CMYA5: variants seen among roughly 807,000 people sequenced by gnomAD.
CMYA5 encodes cardiomyopathy associated 5, also known as cardiomyopathy-associated protein 5.
CMYA5 carries 246 observed loss-of-function variants against 318.9 expected under a neutral mutation model. The observed-to-expected ratio is 0.77, with a 90% confidence interval of 0.70 to 0.86. The LOEUF is 0.86. CMYA5 is among the 40% of genes least tolerant of loss of function. The pLI, the probability that CMYA5 is intolerant of heterozygous loss-of-function variation, is 0.00. For missense variants in CMYA5, 4,589 were observed against 4,678.2 expected (o/e 0.98, Z 0.56); for synonymous variants, 1,641 against 1,729.5 (o/e 0.95, Z 1.27).
intron 1 of CMYA5, among the ~76,000 whole-genome samples, chr5:79,719,058 A>T (rs1334792253): frequency 7.5e-6 from 1 of 133,694 alleles, no homozygotes; most frequent in Admixed American, 7.2e-5. Context: ...CTTAACCTTC[A>T]GATAAAAATA....
At chr5:79,791,128 T>G in intron 11 of CMYA5, 59 bp downstream of exon 11, 8 of 1,238,174 alleles carry the variant, frequency 6.5e-6, no homozygotes, top group Non-Finnish European at 1.2e-6. Flanking sequence ...TCTTAGGGTG[T>G]GTCGCCTCAG....
chr5:79,733,233 A>G lies in CMYA5; in HGVS notation c.4468A>G (p.Arg1490Gly), dbSNP rs1466513471. 1 of 1,613,700 alleles carries G rather than the reference A, an allele frequency of 6.2e-7. No individual in the cohort carries two copies. The highest frequency in any genetic ancestry group is 8.5e-7 in the Non-Finnish European group (1 of 1,179,816). ...GCATTCAGATAAATCTGAGGAAGCA[A>G]GGGTAGAAGACAAACAAGATCTTTT... is the stretch of plus-strand genomic sequence containing the variant. ...SQHSDKSEEA[R>G]VEDKQDLLFS... Residue 1490 changes from arginine to glycine, a missense_variant, in exon 2 of 13, where the codon AGG becomes GGG. Transcript: ENST00000446378.
Position 79,763,218 on chromosome 5 carries a change from C to A in CMYA5, c.11555+9C>A, listed in dbSNP as rs766116527. 1.9e-6 allele frequency: 3 copies of A among 1,589,942 alleles called. No homozygotes were observed. In the South Asian group the frequency reaches 3.4e-5, roughly 18 times the overall value. On this transcript the variant is annotated intron_variant, in intron 9 of 12. Transcript: ENST00000446378. ...GAGGGAGAGGGCCTCAGGTGAGGGG[C>A]CCTCTCCATGGGAGAGACTGCCCAG...
chr5:79,787,205 C>G (rs1231127686), intron 9 of CMYA5, among the ~76,000 whole-genome samples: 2 of 152,112 alleles, frequency 1.3e-5, no homozygotes, highest in Non-Finnish European at 2.9e-5. Context: ...ATCCTTGTCA[C>G]TTTTCCCCTT....
intron 1 of CMYA5, among the ~76,000 whole-genome samples, chr5:79,698,523 G>A (rs1363237832): frequency 6.6e-6 from 1 of 152,134 alleles, no homozygotes; most frequent in Non-Finnish European, 1.5e-5. Flanking sequence ...AAGCCAGCAG[G>A]CTAATGAGCT....
intron 5 of CMYA5, among the ~76,000 whole-genome samples, chr5:79,751,152 A>C (rs1399215090): frequency 1.3e-5 from 2 of 152,008 alleles, no homozygotes; most frequent in Admixed American, 6.6e-5. Context: ...CAGTCATCTA[A>C]ATTTCCCTTT....
At chr5:79,721,426 CA>C (rs1299240152) in intron 1 of CMYA5, among the ~76,000 whole-genome samples, 14 of 152,018 alleles carry the variant, frequency 9.2e-5, no homozygotes, top group African/African-American at 2.7e-4. Context: ...AATTTAACTC[CA>C]AACATATTGG....
chr5:79,714,314 T>G (rs1827470288), intron 1 of CMYA5, among the ~76,000 whole-genome samples: 2 of 152,124 alleles, frequency 1.3e-5, no homozygotes, highest in Non-Finnish European at 2.9e-5. Flanking sequence ...TCTGTCATAC[T>G]CTGTGATTAT....
rs186078315 is a variant in CMYA5 at position 79,706,126 on chromosome 5, G to A, written c.149+16070G>A. Among the ~76,000 whole-genome samples, 50 of 152,238 alleles carry A rather than the reference G, an allele frequency of 3.3e-4. No individual in the cohort carries two copies. In the East Asian group the frequency reaches 8.5e-3, roughly 26 times the overall value. On this transcript the variant is annotated intron_variant, in intron 1 of 12. Coordinates refer to ENST00000446378, the MANE Select transcript of CMYA5 (RefSeq NM_153610.5). ...GAAAGCTGGGTCCAGGGGAGTCACC[G>A]CCTTCTGGTCCTGCGATGCTGCCAA...
In CMYA5 at chr5:79,731,681, C is replaced by T. The variant is rs368673611; in HGVS notation, c.2916C>T (p.Cys972=). The T allele has an allele frequency of 1.6e-5, 26 of 1,613,708 alleles. No homozygotes were observed. The highest frequency in any genetic ancestry group is 1.6e-4 in the East Asian group (7 of 44,888). ...AAGCAGAGAAAAGAGAATTTGAGTG[C>T]GATTCTCCAATATGTTTAACATCAC... ...TQEAEKREFE[C]DSPICLTSPS... The change falls in exon 2 of 13, where the codon TGC becomes TGT. Residue 972 remains cysteine, a synonymous_variant. Transcript: ENST00000446378.
chr5:79,762,191 G>A (rs2151095085), intron 8 of CMYA5: 1 of 444,500 alleles, frequency 2.2e-6, no homozygotes, highest in Non-Finnish European at 3.9e-6. Flanking sequence ...GCCATATCCA[G>A]ATATACACAG....
Position 79,730,800 on chromosome 5 carries a change from C to T in CMYA5, c.2035C>T (p.Leu679=). Residue 679 remains leucine, a synonymous_variant, in exon 2 of 13, where the codon CTA becomes TTA. Coordinates refer to ENST00000446378, the MANE Select transcript of CMYA5 (RefSeq NM_153610.5). The part of the protein sequence containing the change: ...FSTVTPEYMV[L]SGDEASESGC... Reference sequence around the variant, plus strand: ...AACAGTTACACCAGAATACATGGTCCTATCAGGAGACGAGGCCTCAGAAAG... The same window carrying T: ...AACAGTTACACCAGAATACATGGTCTTATCAGGAGACGAGGCCTCAGAAAG... 6.2e-7 allele frequency: 1 copy of T among 1,613,864 alleles called. No homozygotes were observed. Among genetic ancestry groups the T allele is most frequent in the African/African-American group, 1.3e-5 (1 of 75,042 alleles).
chr5:79,772,750 A>G (rs1205726039), intron 9 of CMYA5, among the ~76,000 whole-genome samples: 3 of 152,208 alleles, frequency 2.0e-5, no homozygotes, highest in African/African-American at 7.2e-5. Flanking sequence ...TAAGAGTTCA[A>G]GACGGAAGGA....
chr5:79,735,314 C>T lies in CMYA5; in HGVS notation c.6549C>T (p.Ser2183=). 1 of 1,613,750 alleles carries T rather than the reference C, an allele frequency of 6.2e-7. No homozygotes were observed. The highest frequency in any genetic ancestry group is 8.5e-7 in the Non-Finnish European group (1 of 1,179,798). The change falls in exon 2 of 13, where the codon TCC becomes TCT. Residue 2183 remains serine, a synonymous_variant. Transcript: ENST00000446378. Reference sequence around the variant, plus strand: ...TTTCATCTTTCAAATCGTGGATGTCCAGCTTGTTTTTTGGATCGAGCACTC... The same window carrying T: ...TTTCATCTTTCAAATCGTGGATGTCTAGCTTGTTTTTTGGATCGAGCACTC... ...KGISSFKSWM[S]SLFFGSSTPD...
rs16877151 is a variant in CMYA5, at chr5:79,734,523, A to G, written c.5758A>G (p.Ser1920Gly). ...IAGSVQLDSSSSNELRPGQLK... is the reference protein window; with the variant it reads ...IAGSVQLDSSGSNELRPGQLK... The stretch of plus-strand genomic sequence containing the variant: ...AGGATCTGTGCAGCTGGATTCCTCT[A>G]GCAGCAATGAGCTGAGGCCAGGGCA... The change falls in exon 2 of 13, where the codon AGC becomes GGC. Residue 1920 changes from serine to glycine, a missense_variant. Physicochemically the swap from Ser to Gly is moderately conservative, Grantham distance 56 (BLOSUM62 0). Around this residue, in one of 3 missense-constraint regions of CMYA5, gnomAD observed 2,431 missense variants for 2,495.1 expected, o/e 0.97. Coordinates refer to ENST00000446378, the MANE Select transcript of CMYA5 (RefSeq NM_153610.5). The G allele has an allele frequency of 0.12, 191,646 of 1,613,552 alleles. 21,705 individuals are homozygous for G. Among genetic ancestry groups the G allele is most frequent in the African/African-American group, 0.53 (39,490 of 74,948 alleles).
chr5:79,748,585 C>G (rs1373146976), intron 5 of CMYA5, among the ~76,000 whole-genome samples: 1 of 152,086 alleles, frequency 6.6e-6, no homozygotes, highest in Non-Finnish European at 1.5e-5. Context: ...CTCTGTCACC[C>G]AGGCTGGAGT....
chr5:79,732,462 G>T lies in CMYA5; in HGVS notation c.3697G>T (p.Val1233Phe), dbSNP rs1461310588. The change falls in exon 2 of 13, where the codon GTT (valine) becomes TTT (phenylalanine). Residue 1233 changes from valine (V) to phenylalanine (F), a missense_variant. Val to Phe is a conservative substitution (Grantham distance 50). This residue lies in a region of CMYA5 where 2,132 missense variants were observed against 2,131.3 expected (regional missense o/e 1.00). Coordinates refer to ENST00000446378, the MANE Select transcript of CMYA5 (RefSeq NM_153610.5). ...DQKMEPQPPN[V>F]PESEMKYSVL... ...AAAAATGGAGCCTCAGCCTCCAAAT[G>T]TTCCAGAGTCTGAGATGAAATATTC... is the stretch of plus-strand genomic sequence containing the variant. 1.9e-6 allele frequency: 3 copies of T among 1,613,146 alleles called. No homozygotes were observed. The highest frequency in any genetic ancestry group is 2.5e-6 in the Non-Finnish European group (3 of 1,179,598).
intron 2 of CMYA5, among the ~76,000 whole-genome samples, chr5:79,741,358 C>T (rs1460696776): frequency 3.9e-5 from 6 of 152,154 alleles, no homozygotes; most frequent in East Asian, 1.9e-4. Flanking sequence ...TGACTATATA[C>T]GCATACTGCT....
chr5:79,791,457 A>G (rs1446045864), intron 11 of CMYA5, among the ~76,000 whole-genome samples: 1 of 152,026 alleles, frequency 6.6e-6, no homozygotes, highest in Non-Finnish European at 1.5e-5. Context: ...ACAGTGGCTC[A>G]CTCCTGTAAT....
Sources: gnomAD v4.1 joint callset for allele counts (sites outside exome capture counted in the v4.1 genomes callset) on GRCh38, gnomAD v4.1.1 for gene constraint, gnomAD v4.1.1 regional missense constraint, MANE v1.5 for transcripts, NCBI Gene and HGNC (gene_info 2026-07-23, HGNC 2026-07-21) for gene names.